The following MCTP2 variants were observed in gnomAD, a reference collection of about 807,000 sequenced individuals.
The protein encoded by MCTP2 is multiple C2 and transmembrane domain containing 2.
MCTP2 carries 132 observed loss-of-function variants against 111.6 expected under a neutral mutation model. The ratio of observed to expected loss-of-function variants is 1.18; its 90% CI spans 1.03 to 1.37. The LOEUF (loss-of-function observed/expected upper bound fraction) is 1.37, where lower values mean the gene tolerates loss of function less well. Ranked by LOEUF, MCTP2 falls within the 40% of genes most tolerant of loss-of-function variation. The pLI is 0.00. For missense variants in MCTP2, 1,183 were observed against 1,067.9 expected (o/e 1.11, Z -1.50); for synonymous variants, 395 against 387.7 (o/e 1.02, Z -0.22).
chr15:94,439,135 A>G (rs2083638680), intron 17 of MCTP2, among the ~76,000 whole-genome samples: 1 of 152,224 alleles, frequency 6.6e-6, no homozygotes, highest in Non-Finnish European at 1.5e-5. Flanking sequence ...TTTGAAAAAC[A>G]TAATGGAAGA....
chr15:94,428,901 T>C (rs2152499672), intron 17 of MCTP2, among the ~76,000 whole-genome samples: 1 of 152,314 alleles, frequency 6.6e-6, no homozygotes, highest in East Asian at 1.9e-4. Context: ...TTAGACTTGA[T>C]TAACAGAACC....
chr15:94,465,093 C>G (rs1346297285), intron 20 of MCTP2, among the ~76,000 whole-genome samples: 1 of 152,050 alleles, frequency 6.6e-6, no homozygotes, highest in Non-Finnish European at 1.5e-5. Flanking sequence ...TGAATTTTAT[C>G]TGTTTTTGCT....
intron 20 of MCTP2, among the ~76,000 whole-genome samples, chr15:94,462,751 CT>C (rs2085293907): frequency 6.6e-6 from 1 of 152,176 alleles, no homozygotes; most frequent in Non-Finnish European, 1.5e-5. Context: ...TCTTAGGCAA[CT>C]TATTTAACTT....
chr15:94,315,057 A>C (rs935888934), intron 3 of MCTP2, among the ~76,000 whole-genome samples: 1 of 152,138 alleles, frequency 6.6e-6, no homozygotes, highest in Non-Finnish European at 1.5e-5. Flanking sequence ...TTTACTACAC[A>C]TGGAAGTCTA....
chr15:94,387,733 T>C (rs1385577156), intron 14 of MCTP2, among the ~76,000 whole-genome samples: 1 of 152,174 alleles, frequency 6.6e-6, no homozygotes, highest in Admixed American at 6.5e-5. Context: ...AAAAGCAATA[T>C]ACAGAATGTT....
intron 2 of MCTP2, among the ~76,000 whole-genome samples, chr15:94,302,601 C>T (rs1434500727): frequency 6.6e-6 from 1 of 152,192 alleles, no homozygotes; most frequent in Non-Finnish European, 1.5e-5. Flanking sequence ...CAGATCCACA[C>T]CCTACTGGAT....
At chr15:94,333,486 T>C (rs2077221580) in intron 4 of MCTP2, among the ~76,000 whole-genome samples, 1 of 152,150 alleles carries the variant, frequency 6.6e-6, no homozygotes, top group African/African-American at 2.4e-5. Context: ...TAGAGCTGCA[T>C]TACAGGTTCA....
At chr15:94,470,223 G>T in intron 20 of MCTP2, 110 bp from the exon 21 acceptor site, 1 of 804,872 alleles carries the variant, frequency 1.2e-6, no homozygotes. Context: ...TTTTCCAATA[G>T]ACTGTAAAAA....
At chr15:94,353,276 G>A (rs2078415559) in intron 8 of MCTP2, among the ~76,000 whole-genome samples, 4 of 152,138 alleles carry the variant, frequency 2.6e-5, no homozygotes, top group South Asian at 2.1e-4. Context: ...GTAATGCAGC[G>A]AGTGTCCATG....
intron 19 of MCTP2, among the ~76,000 whole-genome samples, chr15:94,452,538 A>G (rs1266668363): frequency 2.0e-5 from 3 of 152,150 alleles, no homozygotes; most frequent in African/African-American, 7.2e-5. Flanking sequence ...TACTACTATA[A>G]ACCTGATAAA....
intron 2 of MCTP2, among the ~76,000 whole-genome samples, chr15:94,308,433 G>T (rs1407999433): frequency 6.6e-6 from 1 of 152,160 alleles, no homozygotes; most frequent in African/African-American, 2.4e-5. Flanking sequence ...AACCTAGAGT[G>T]CTCTCCAGGG....
intron 8 of MCTP2, among the ~76,000 whole-genome samples, chr15:94,352,054 C>T (rs556106350): frequency 6.6e-6 from 1 of 152,314 alleles, no homozygotes; most frequent in East Asian, 1.9e-4. Flanking sequence ...ACTATCTCCC[C>T]AGCTTGTCCC....
intron 3 of MCTP2, among the ~76,000 whole-genome samples, chr15:94,315,187 G>T (rs917320138): frequency 6.6e-6 from 1 of 152,138 alleles, no homozygotes; most frequent in African/African-American, 2.4e-5. Context: ...TCTTCCTCCT[G>T]TTGCCTCTCT....
At chr15:94,317,570 G>T (rs2076427803) in intron 4 of MCTP2, among the ~76,000 whole-genome samples, 1 of 152,164 alleles carries the variant, frequency 6.6e-6, no homozygotes, top group Non-Finnish European at 1.5e-5. Flanking sequence ...CAGTCACACT[G>T]AGCTGCACTG....
intron 8 of MCTP2, among the ~76,000 whole-genome samples, chr15:94,351,457 A>T (rs972274357): frequency 6.6e-6 from 1 of 152,242 alleles, no homozygotes; most frequent in Non-Finnish European, 1.5e-5. Context: ...AGTGGTCAAC[A>T]TAGTTGGAAT....
At chr15:94,337,409 A>C (rs530419824) in intron 4 of MCTP2, among the ~76,000 whole-genome samples, 1 of 152,128 alleles carries the variant, frequency 6.6e-6, no homozygotes, top group Non-Finnish European at 1.5e-5. Context: ...GTTTATTTTG[A>C]GAGTACGCTG....
intron 19 of MCTP2, 28 bp downstream of exon 19, chr15:94,442,988 CAAAA>C (rs748910962): frequency 6.3e-7 from 1 of 1,581,310 alleles, no homozygotes; most frequent in Admixed American, 1.7e-5. Context: ...AGAACACACA[CAAAA>C]AAACACTAGT....
intron 17 of MCTP2, among the ~76,000 whole-genome samples, chr15:94,430,919 A>G (rs914906624): frequency 6.6e-6 from 1 of 152,030 alleles, no homozygotes; most frequent in Non-Finnish European, 1.5e-5. Context: ...TTCTTCCCTA[A>G]TTACCTCACA....
At chr15:94,450,532 G>A (rs2152519856) in intron 19 of MCTP2, among the ~76,000 whole-genome samples, 1 of 152,222 alleles carries the variant, frequency 6.6e-6, no homozygotes, top group East Asian at 1.9e-4. Flanking sequence ...TTTTTTTCAT[G>A]CTAAATGCCA....
Sources: gnomAD v4.1 joint callset for allele counts (sites outside exome capture counted in the v4.1 genomes callset) on GRCh38, gnomAD v4.1.1 for gene constraint, MANE v1.5 for transcripts, NCBI Gene and HGNC (gene_info 2026-07-23, HGNC 2026-07-21) for gene names.